Variants in NFIC observed in about 807,000 individuals in gnomAD.
NFIC encodes nuclear factor I C.
Under a neutral mutation model 54.4 loss-of-function variants are expected in NFIC, and 12 were observed. The observed-to-expected ratio is 0.22, with a 90% CI of 0.14 to 0.36. The LOEUF (loss-of-function observed/expected upper bound fraction) is 0.36. NFIC is among the 10% of genes least tolerant of loss of function. NFIC has a pLI of 1.00. For synonymous variants in NFIC, 322 were observed against 319.2 expected (o/e 1.01, Z -0.09); for missense variants, 575 against 718.2 (o/e 0.80, Z 2.28).
chr19:3,428,748 C>T (rs2082067264), intron 3 of NFIC, among the ~76,000 whole-genome samples: 2 of 152,092 alleles, frequency 1.3e-5, no homozygotes, highest in South Asian at 4.1e-4. Context: ...AAATCACGTC[C>T]TCCCAGCTCG....
intron 2 of NFIC, among the ~76,000 whole-genome samples, chr19:3,410,173 T>TG (rs750328401): frequency 2.6e-5 from 4 of 152,102 alleles, no homozygotes; most frequent in Non-Finnish European, 1.5e-5. Flanking sequence ...CCCGAGTAGC[T>TG]GGGACTACAG....
intron 2 of NFIC, among the ~76,000 whole-genome samples, chr19:3,396,407 G>A (rs1349079386): frequency 1.3e-5 from 2 of 150,938 alleles, no homozygotes; most frequent in Non-Finnish European, 1.5e-5. Flanking sequence ...GGGAGGCGGA[G>A]CTTGCAGTGA....
intron 9 of NFIC, chr19:3,454,226 C>G: frequency 8.3e-7 from 1 of 1,201,320 alleles, no homozygotes. Context: ...TGTCAGGCAG[C>G]TGACAGTGGA....
intron 6 of NFIC, among the ~76,000 whole-genome samples, chr19:3,442,723 G>A (rs2082312825): frequency 4.0e-5 from 6 of 151,694 alleles, no homozygotes; most frequent in Admixed American, 3.9e-4. Context: ...GTGGAGGCTA[G>A]TGCAACGTGG....
At chr19:3,455,418 T>G (rs1382466163) in intron 9 of NFIC, among the ~76,000 whole-genome samples, 2 of 150,562 alleles carry the variant, frequency 1.3e-5, no homozygotes, top group Non-Finnish European at 3.0e-5. Flanking sequence ...TGGCATACAG[T>G]AGACACTTAA....
chr19:3,385,575 T>TTTG (rs1321626887), intron 2 of NFIC, among the ~76,000 whole-genome samples: 1 of 92,702 alleles, frequency 1.1e-5, no homozygotes, highest in East Asian at 2.1e-4. Context: ...TTGTTGTTGT[T>TTTG]TTTTTTTTTT....
intron 1 of NFIC, among the ~76,000 whole-genome samples, chr19:3,376,499 G>T (rs367742668): frequency 6.6e-6 from 1 of 150,636 alleles, no homozygotes; most frequent in Non-Finnish European, 1.5e-5. Flanking sequence ...TTAGGAGGCC[G>T]AGGTGGGAGG....
chr19:3,439,574 G>A (rs923253043), intron 6 of NFIC, among the ~76,000 whole-genome samples: 15 of 150,948 alleles, frequency 9.9e-5, no homozygotes, highest in African/African-American at 3.4e-4. Context: ...CCTGGGAGGC[G>A]GAGGGTGCAG....
chr19:3,399,803 G>A (rs977473685), intron 2 of NFIC, among the ~76,000 whole-genome samples: 3 of 151,018 alleles, frequency 2.0e-5, no homozygotes, highest in African/African-American at 7.3e-5. Context: ...CCTGGGAGGC[G>A]GAGATTGTAG....
At chr19:3,411,515 A>G (rs558869027) in intron 2 of NFIC, among the ~76,000 whole-genome samples, 1 of 151,584 alleles carries the variant, frequency 6.6e-6, no homozygotes, top group South Asian at 2.1e-4. Context: ...TTTAGTAGAG[A>G]CCAGGTTTCA....
chr19:3,464,761 G>A lies in NFIC; in HGVS notation c.*1992G>A. On this transcript the variant is annotated 3_prime_UTR_variant, in exon 11 of 11. Transcript: ENST00000443272. ...GGACCCTCCCCCATCACCCCCAAGA[G>A]AGGTTCGCCATCCTCTGGCCTCGAG... The A allele has an allele frequency of 1.0e-6, 1 of 972,434 alleles. No individual in the cohort carries two copies. Among genetic ancestry groups the A allele is most frequent in the Non-Finnish European group, 1.2e-6 (1 of 818,260 alleles). The allele number at this position is 972,434 out of a possible 1,614,324, so 60.2% of individuals were successfully genotyped here. A position where few individuals can be genotyped will look rare whatever the true frequency, so the allele number is the denominator to read the frequency against.
At chr19:3,462,729 TC>T in intron 10 of NFIC, 22 bp from the exon 11 acceptor site, 1 of 1,613,506 alleles carries the variant, frequency 6.2e-7, no homozygotes, top group Non-Finnish European at 8.5e-7. Context: ...TCTCCCTCTT[TC>T]TGTCGCCACT....
At chr19:3,411,022 T>G (rs954051876) in intron 2 of NFIC, 5 of 152,068 alleles carry the variant, frequency 3.3e-5, no homozygotes, top group African/African-American at 9.6e-5. Flanking sequence ...GTTTTTGTTG[T>G]TTTTTTTGAG....
intron 2 of NFIC, among the ~76,000 whole-genome samples, chr19:3,386,831 C>A (rs777036965): frequency 6.6e-6 from 1 of 152,134 alleles, no homozygotes; most frequent in Admixed American, 6.5e-5. Flanking sequence ...TCTGCTGGCA[C>A]GGTGTGGTCA....
At chr19:3,409,436 G>C (rs2081713001) in intron 2 of NFIC, among the ~76,000 whole-genome samples, 1 of 152,158 alleles carries the variant, frequency 6.6e-6, no homozygotes. Flanking sequence ...CTAGAACCGT[G>C]TGAAATGATC....
chr19:3,443,001 G>A (rs1262185588), intron 6 of NFIC, among the ~76,000 whole-genome samples: 1 of 152,226 alleles, frequency 6.6e-6, no homozygotes, highest in East Asian at 1.9e-4. Context: ...TCACAACTGG[G>A]AGAGCTCTTG....
chr19:3,455,721 G>A (rs925658369), intron 9 of NFIC, among the ~76,000 whole-genome samples: 1 of 152,102 alleles, frequency 6.6e-6, no homozygotes, highest in South Asian at 2.1e-4. Flanking sequence ...TATGCCCAGA[G>A]CCTGGTATAC....
chr19:3,445,057 A>C (rs189938998), intron 6 of NFIC, among the ~76,000 whole-genome samples: 16 of 151,716 alleles, frequency 1.1e-4, no homozygotes, highest in Non-Finnish European at 2.4e-4. Context: ...GTGCATGTAC[A>C]GGCATACATA....
At chr19:3,362,706 C>T (rs1482676253), upstream of NFIC, among the ~76,000 whole-genome samples, 1 of 152,098 alleles carries the variant, frequency 6.6e-6, no homozygotes, top group East Asian at 1.9e-4. Flanking sequence ...TCCCTTCTTA[C>T]AGCCTCAGTT....
Sources: allele counts gnomAD v4.1 joint callset (sites outside exome capture counted in the v4.1 genomes callset), GRCh38; gene constraint gnomAD v4.1.1; transcripts MANE v1.5; gene names NCBI Gene and HGNC (gene_info 2026-07-23, HGNC 2026-07-21).